The following RAB38 variants were observed in gnomAD, a reference collection of about 807,000 sequenced individuals.
The protein encoded by RAB38 is ras-related protein Rab-38.
RAB38 carries 15 observed loss-of-function variants against 18.4 expected under a neutral mutation model. The ratio of observed to expected loss-of-function variants is 0.82; its 90% CI spans 0.55 to 1.26. The LOEUF (loss-of-function observed/expected upper bound fraction) is 1.26, where lower values mean the gene tolerates loss of function less well. Among genes scored for constraint, RAB38 ranks in the 50% most tolerant of loss-of-function variants. The pLI, the probability that RAB38 is intolerant of heterozygous loss-of-function variation, is 0.00. For synonymous variants in RAB38, 101 were observed against 104.4 expected, an observed-to-expected ratio of 0.97 and a Z score of 0.20; for missense variants, 294 against 267.4, an observed-to-expected ratio of 1.10 and a Z score of -0.69.
chr11:88,096,280 C>G, the RAB38 span, among the ~76,000 whole-genome samples: 81 of 151,946 alleles, frequency 5.3e-4, no homozygotes, highest in Middle Eastern at 3.4e-3. Flanking sequence ...GCATGTTCCT[C>G]CCTCAGGGCC....
the RAB38 span, among the ~76,000 whole-genome samples, chr11:87,938,010 G>A: frequency 2.0e-5 from 3 of 151,346 alleles, no homozygotes; most frequent in Non-Finnish European, 1.5e-5. Context: ...CATATAATAA[G>A]TGACTTGAAT....
chr11:87,905,111 G>A, the RAB38 span, among the ~76,000 whole-genome samples: 28 of 151,274 alleles, frequency 1.9e-4, no homozygotes, highest in Middle Eastern at 3.4e-3. Context: ...CTATTTCCCC[G>A]TATTCAAAGT....
the RAB38 span, among the ~76,000 whole-genome samples, chr11:87,897,248 G>A: frequency 6.6e-6 from 1 of 151,672 alleles, no homozygotes; most frequent in Admixed American, 6.6e-5. Context: ...CAGCCAGTAT[G>A]TTTACAGAGT....
chr11:87,966,497 T>C, the RAB38 span, among the ~76,000 whole-genome samples: 1 of 152,112 alleles, frequency 6.6e-6, no homozygotes, highest in African/African-American at 2.4e-5. Flanking sequence ...AAATATATAT[T>C]TCTAAATTTC....
chr11:88,175,330 C>T lies in RAB38; in HGVS notation c.55G>A (p.Gly19Ser), dbSNP rs1252372240. Residue 19 changes from glycine to serine, a missense_variant, in exon 1 of 3, where the codon GGC becomes AGC. Coordinates refer to ENST00000243662, the MANE Select transcript of RAB38 (RefSeq NM_022337.3). The part of the protein sequence containing the change: ...LYKLLVIGDL[G>S]VGKTSIIKRY... The stretch of plus-strand genomic sequence containing the variant: ...TTGATGATACTGGTCTTCCCCACGC[C>T]CAGGTCGCCAATCACCAGCAACTTG... 26 of 1,614,098 alleles carry T rather than the reference C, an allele frequency of 1.6e-5. No homozygotes were observed. The highest frequency in any genetic ancestry group is 2.0e-5 in the Non-Finnish European group (24 of 1,180,044).
At chr11:88,034,485 G>GT in the RAB38 span, among the ~76,000 whole-genome samples, 1 of 152,158 alleles carries the variant, frequency 6.6e-6, no homozygotes, top group Non-Finnish European at 1.5e-5. Flanking sequence ...TTTGATTCCA[G>GT]TTTTTCTGAA....
chr11:88,071,243 GAC>G, the RAB38 span, among the ~76,000 whole-genome samples: 17,990 of 148,260 alleles, frequency 0.12, 1,271 homozygotes, highest in Middle Eastern at 0.19. Flanking sequence ...ACTGGGGGAG[GAC>G]ACACACACAC....
At chr11:87,973,766 G>A in the RAB38 span, among the ~76,000 whole-genome samples, 2 of 146,742 alleles carry the variant, frequency 1.4e-5, no homozygotes, top group Admixed American at 1.4e-4. Context: ...AAATGAAAAT[G>A]CCATAGGTCA....
the RAB38 span, among the ~76,000 whole-genome samples, chr11:87,889,921 T>C: frequency 5.9e-5 from 9 of 151,988 alleles, no homozygotes; most frequent in East Asian, 1.8e-3. Context: ...AACTTCATTA[T>C]ATTAGAGACA....
At chr11:87,977,456 AATATAATTATATATT>A in the RAB38 span, among the ~76,000 whole-genome samples, 1 of 47,908 alleles carries the variant, frequency 2.1e-5, no homozygotes, top group East Asian at 4.5e-4. Context: ...TATATTACAT[AATATAATTATATATT>A]ACATATATAA....
chr11:88,032,422 G>A, the RAB38 span, among the ~76,000 whole-genome samples: 3 of 152,098 alleles, frequency 2.0e-5, no homozygotes, highest in Non-Finnish European at 4.4e-5. Flanking sequence ...GCAAAATAAA[G>A]TACCATCAGA....
At chr11:88,059,770 A>G in the RAB38 span, among the ~76,000 whole-genome samples, 1 of 147,360 alleles carries the variant, frequency 6.8e-6, no homozygotes, top group Non-Finnish European at 1.5e-5. Flanking sequence ...CAGCACTTCA[A>G]CACAAAGATG....
chr11:88,169,075 G>C (rs1032874336), intron 1 of RAB38, among the ~76,000 whole-genome samples: 2 of 152,158 alleles, frequency 1.3e-5, no homozygotes, highest in African/African-American at 2.4e-5. Flanking sequence ...ATCCAGAACA[G>C]GTATGTAAAA....
chr11:87,923,255 G>T, the RAB38 span, among the ~76,000 whole-genome samples: 1 of 151,852 alleles, frequency 6.6e-6, no homozygotes, highest in Non-Finnish European at 1.5e-5. Flanking sequence ...AATGAAACCG[G>T]AAAGAGACGG....
At chr11:88,053,118 AAT>A in the RAB38 span, among the ~76,000 whole-genome samples, 79 of 124,182 alleles carry the variant, frequency 6.4e-4, no homozygotes, top group East Asian at 1.1e-3. Flanking sequence ...ATATATATGG[AAT>A]ATATATATTA....
chr11:87,902,677 T>C, the RAB38 span, among the ~76,000 whole-genome samples: 1 of 151,440 alleles, frequency 6.6e-6, no homozygotes, highest in African/African-American at 2.4e-5. Context: ...TTATTTAGGT[T>C]CTCTTTAAAT....
the RAB38 span, among the ~76,000 whole-genome samples, chr11:87,909,044 T>C: frequency 6.6e-6 from 1 of 152,008 alleles, no homozygotes; most frequent in Non-Finnish European, 1.5e-5. Flanking sequence ...GTCATGATAA[T>C]ATTATCATGG....
At chr11:88,076,158 T>C in the RAB38 span, among the ~76,000 whole-genome samples, 1 of 151,430 alleles carries the variant, frequency 6.6e-6, no homozygotes, top group Non-Finnish European at 1.5e-5. Context: ...ACCACAAAAA[T>C]AGAAAGCATC....
chr11:88,050,531 A>C, the RAB38 span, among the ~76,000 whole-genome samples: 17 of 152,366 alleles, frequency 1.1e-4, no homozygotes, highest in African/African-American at 3.8e-4. Context: ...GGTGAAGGAA[A>C]GGAAAAGAGT....
Sources: gnomAD v4.1 joint callset for allele counts (sites outside exome capture counted in the v4.1 genomes callset) on GRCh38, gnomAD v4.1.1 for gene constraint, MANE v1.5 for transcripts, NCBI Gene and HGNC (gene_info 2026-07-23, HGNC 2026-07-21) for gene names.